MTOR: variants seen among roughly 807,000 people sequenced by gnomAD.
MTOR encodes serine/threonine-protein kinase mTOR.
MTOR carries 70 observed loss-of-function variants against 319.8 expected under a neutral mutation model. The ratio of observed to expected loss-of-function variants is 0.22; its 90% CI spans 0.18 to 0.27. The LOEUF (loss-of-function observed/expected upper bound fraction) is 0.27. MTOR is among the 10% of genes least tolerant of loss of function. The pLI, the probability that MTOR is intolerant of heterozygous loss-of-function variation, is 1.00. For synonymous variants in MTOR, 1,183 were observed against 1,211.4 expected, an observed-to-expected ratio of 0.98 and a Z score of 0.49; for missense variants, 1,890 against 3,274.4, an observed-to-expected ratio of 0.58 and a Z score of 10.32.
At position 11,127,245 on chromosome 1, in the gene MTOR, G is replaced by A. The variant is rs2100404102; in HGVS notation, c.6217-101C>T. ...TGCAGATATTCCTCAGGAGCCCGCTGTGGCCTGAAAACACTGGCAGGGGGC... is the reference window on the plus strand; with the variant it reads ...TGCAGATATTCCTCAGGAGCCCGCTATGGCCTGAAAACACTGGCAGGGGGC... On this transcript the variant is annotated intron_variant, in intron 44 of 57. Transcript: ENST00000361445. The surrounding 1 kb of genome is among the most constrained non-coding windows in gnomAD (Gnocchi z 5.5). The A allele has an allele frequency of 6.6e-7, 1 of 1,522,844 alleles. No individual in the cohort carries two copies. Among genetic ancestry groups the A allele is most frequent in the Middle Eastern group, 2.4e-4 (1 of 4,140 alleles). The allele number at this position is 1,522,844 out of a possible 1,614,324, so 94.3% of individuals were successfully genotyped here. A position where few individuals can be genotyped will look rare whatever the true frequency, so the allele number is the denominator to read the frequency against.
At position 11,139,306 on chromosome 1, in the gene MTOR, T is replaced by C; in HGVS notation, c.5128A>G (p.Lys1710Glu). ...YMKNMWKSAR[K>E]IDAFQHMQHF... ...TCTGGATGCATTGGGATACAGACCT[T>C]GCGGGCACTCTTCCACATGTTTTTC... The change falls in exon 36 of 58, where the codon AAG (lysine) becomes GAG (glutamate). Residue 1710 changes from lysine (K) to glutamate (E), a missense_variant and splice_region_variant. Physicochemically the swap from Lys to Glu is moderately conservative, Grantham distance 56. Transcript: ENST00000361445. 3 of 1,605,098 alleles carry C rather than the reference T, an allele frequency of 1.9e-6. No homozygotes were observed. Among genetic ancestry groups the C allele is most frequent in the Non-Finnish European group, 2.5e-6 (3 of 1,177,906 alleles).
chr1:11,158,861 G>GC (rs139498397), intron 29 of MTOR, among the ~76,000 whole-genome samples: 1,684 of 152,194 alleles, frequency 0.011, 34 homozygotes, highest in African/African-American at 0.038. Flanking sequence ...AAACTATAAG[G>GC]TTTAAGCAAT....
intron 28 of MTOR, chr1:11,189,596 TC>T: frequency 2.5e-6 from 4 of 1,609,076 alleles, no homozygotes; most frequent in Non-Finnish European, 2.5e-6. Flanking sequence ...AAAAAGCCTC[TC>T]TCAGCTGTGA....
chr1:11,111,235 T>C (rs1247567405), intron 54 of MTOR: 2 of 447,326 alleles, frequency 4.5e-6, no homozygotes, highest in East Asian at 1.4e-4. Context: ...TCCCAGCACT[T>C]TGGGAGGCCG....
intron 53 of MTOR, 144 bp from the exon 54 acceptor site, chr1:11,113,061 A>G (rs1432362176): frequency 3.7e-6 from 3 of 820,204 alleles, no homozygotes; most frequent in African/African-American, 1.7e-5. Flanking sequence ...TTACTCAGGA[A>G]TAAGTGGGTG....
At chr1:11,205,342 C>T (rs529153673) in intron 25 of MTOR, among the ~76,000 whole-genome samples, 1 of 152,192 alleles carries the variant, frequency 6.6e-6, no homozygotes, top group Non-Finnish European at 1.5e-5. Flanking sequence ...GCAACAGCTA[C>T]ACTTGACTCA....
At position 11,128,001 on chromosome 1, in the gene MTOR, C is replaced by T. The variant is rs560605413; in HGVS notation, c.6033+3G>A. ...ATGAAGCCCCACAGTGGCTCCGACC[C>T]ACCATCATGGCCTGCTGGACCAGGG... On this transcript the variant is annotated splice_donor_region_variant and intron_variant, in intron 43 of 57. Coordinates refer to ENST00000361445, the MANE Select transcript of MTOR (RefSeq NM_004958.4). This position sits in a 1 kb window ranked among gnomAD's most constrained non-coding sequence, Gnocchi z 5.3. 3.2e-4 allele frequency: 514 copies of T among 1,613,722 alleles called. 7 individuals are homozygous for T. In the South Asian group the frequency reaches 5.3e-3, roughly 17 times the overall value.
chr1:11,159,602 T>C (rs1394006679), intron 29 of MTOR, among the ~76,000 whole-genome samples: 4 of 151,446 alleles, frequency 2.6e-5, no homozygotes, highest in Non-Finnish European at 4.4e-5. Flanking sequence ...GATCGTGCCA[T>C]TGCACTCCAG....
At chr1:11,139,243 A>T (rs1309713685) in intron 36 of MTOR, 61 bp downstream of exon 36, 1 of 1,543,934 alleles carries the variant, frequency 6.5e-7, no homozygotes, top group East Asian at 2.3e-5. Flanking sequence ...AGGCAGAGCG[A>T]AGCAGATTAG....
At chr1:11,200,397 G>C (rs1645921390) in intron 26 of MTOR, among the ~76,000 whole-genome samples, 1 of 152,126 alleles carries the variant, frequency 6.6e-6, no homozygotes. Flanking sequence ...GCCTCACAAA[G>C]ACATGGAACC....
chr1:11,112,770 C>G, intron 54 of MTOR, 82 bp downstream of exon 54: 1 of 1,429,700 alleles, frequency 7.0e-7, no homozygotes, highest in Admixed American at 1.7e-5. Flanking sequence ...GCGGGATGCA[C>G]CCACCGACTG....
At chr1:11,248,388 C>G (rs1649128385) in intron 6 of MTOR, among the ~76,000 whole-genome samples, 1 of 152,212 alleles carries the variant, frequency 6.6e-6, no homozygotes, top group African/African-American at 2.4e-5. Context: ...TTTGGAAGGG[C>G]TGACTTGCAT....
chr1:11,140,624 T>A (rs1365732498), intron 34 of MTOR, among the ~76,000 whole-genome samples: 1 of 152,216 alleles, frequency 6.6e-6, no homozygotes, highest in Non-Finnish European at 1.5e-5. Context: ...TGTCACTTGC[T>A]ACCCTATGTG....
In MTOR at chr1:11,172,557, CAA is replaced by C. The variant is rs767483973; in HGVS notation, c.4254-5042_4254-5041del. The stretch of plus-strand genomic sequence containing the variant: ...CCTGGGTGACCGCGAGACTCTGTCT[CAA>C]AAAAAAAAAAAAAAAAAAATACAAC... On this transcript the variant is annotated intron_variant, in intron 28 of 57. Coordinates refer to ENST00000361445, the MANE Select transcript of MTOR (RefSeq NM_004958.4). Among the ~76,000 whole-genome samples the C allele has an allele frequency of 6.3e-3, 352 of 56,292 alleles. 1 individual carries two copies. Among genetic ancestry groups the C allele is most frequent in the Middle Eastern group, 0.03 (2 of 66 alleles). The allele number at this position is 56,292 out of a possible 152,430, so 36.9% of individuals were successfully genotyped here.
At chr1:11,187,706 T>C (rs1219445976) in intron 28 of MTOR, among the ~76,000 whole-genome samples, 2 of 152,336 alleles carry the variant, frequency 1.3e-5, no homozygotes, top group Middle Eastern at 3.4e-3. Context: ...TCCCTATTTT[T>C]AGCAGACCTT....
chr1:11,193,119 C>T (rs537542589), intron 28 of MTOR, among the ~76,000 whole-genome samples: 18 of 152,112 alleles, frequency 1.2e-4, no homozygotes, highest in African/African-American at 4.3e-4. Flanking sequence ...GACTTTGAGA[C>T]CAGCCTGGCC....
intron 34 of MTOR, among the ~76,000 whole-genome samples, chr1:11,140,557 G>A (rs1224149613): frequency 6.6e-6 from 1 of 152,160 alleles, no homozygotes; most frequent in Non-Finnish European, 1.5e-5. Flanking sequence ...GCCCTTAGGG[G>A]CGTCTCAGCA....
chr1:11,150,780 G>T (rs1030681373), intron 30 of MTOR, among the ~76,000 whole-genome samples: 4 of 152,192 alleles, frequency 2.6e-5, no homozygotes, highest in Non-Finnish European at 5.9e-5. Flanking sequence ...GAATGTGAAG[G>T]AGGACTATGA....
chr1:11,241,443 G>A (rs115790300), intron 10 of MTOR, 110 bp downstream of exon 10: 17,739 of 1,348,424 alleles, frequency 0.013, 147 homozygotes, highest in Non-Finnish European at 0.016. Context: ...AAGCTATCCT[G>A]TCCATCCAGT....
Sources: allele counts gnomAD v4.1 joint callset (sites outside exome capture counted in the v4.1 genomes callset), GRCh38; gene constraint gnomAD v4.1.1; non-coding constraint Gnocchi (gnomAD v3.1); transcripts MANE v1.5; gene names NCBI Gene and HGNC (gene_info 2026-07-23, HGNC 2026-07-21).